ITPK1: variants seen among roughly 807,000 people sequenced by gnomAD.
ITPK1 encodes the protein inositol 1,3,4-trisphosphate 5/6-kinase.
ITPK1 carries 21 observed loss-of-function variants against 45.3 expected under a neutral mutation model. The observed-to-expected ratio is 0.46, with a 90% CI of 0.33 to 0.67. The LOEUF (loss-of-function observed/expected upper bound fraction) is 0.67, where lower values mean the gene tolerates loss of function less well. Ranked by LOEUF, ITPK1 falls within the 30% of genes least tolerant of loss-of-function variation. The probability of loss-of-function intolerance (pLI) is 0.02; values close to 1 mark genes in which losing one functional copy is unlikely to be tolerated. For synonymous variants in ITPK1, 258 were observed against 253.6 expected (o/e 1.02, Z -0.16); for missense variants, 474 against 573.5 (o/e 0.83, Z 1.77).
At chr14:93,110,590 G>C (rs529519718) in intron 2 of ITPK1, among the ~76,000 whole-genome samples, 1 of 152,224 alleles carries the variant, frequency 6.6e-6, no homozygotes, top group Non-Finnish European at 1.5e-5. Flanking sequence ...CCAGTTTACT[G>C]TTGACACCAA....
At chr14:92,976,414 G>C (rs568893224) in intron 5 of ITPK1, among the ~76,000 whole-genome samples, 1 of 152,338 alleles carries the variant, frequency 6.6e-6, no homozygotes, top group African/African-American at 2.4e-5. Context: ...CAAGTCAGTA[G>C]TCTGGCTACT....
At chr14:93,018,412 G>A (rs1171148869) in intron 3 of ITPK1, among the ~76,000 whole-genome samples, 1 of 152,102 alleles carries the variant, frequency 6.6e-6, no homozygotes, top group Non-Finnish European at 1.5e-5. Context: ...CCCTGTGATG[G>A]TCCCTTACTA....
At chr14:93,089,939 A>T (rs1172988823) in intron 2 of ITPK1, among the ~76,000 whole-genome samples, 3 of 152,198 alleles carry the variant, frequency 2.0e-5, no homozygotes, top group Non-Finnish European at 4.4e-5. Context: ...AAGGATGCAG[A>T]ATTCCAGAAG....
At chr14:92,974,458 AG>A (rs1326870232) in intron 5 of ITPK1, among the ~76,000 whole-genome samples, 1 of 152,190 alleles carries the variant, frequency 6.6e-6, no homozygotes, top group Admixed American at 6.5e-5. Context: ...CCTGGCTCCT[AG>A]GAGCAGTGGA....
At chr14:92,979,878 T>G (rs1886136197) in intron 5 of ITPK1, among the ~76,000 whole-genome samples, 1 of 151,848 alleles carries the variant, frequency 6.6e-6, no homozygotes, top group Admixed American at 6.6e-5. Flanking sequence ...CAGTGTGTGA[T>G]CTCAGCTCAC....
At chr14:92,953,028 A>G (rs1395388692) in intron 8 of ITPK1, among the ~76,000 whole-genome samples, 2 of 152,074 alleles carry the variant, frequency 1.3e-5, no homozygotes, top group African/African-American at 4.8e-5. Context: ...TGTGGCTCCC[A>G]CCCCCAGGAT....
Position 92,996,168 on chromosome 14 carries a change from G to C in ITPK1, c.247-2171C>G, listed in dbSNP as rs147500737. On this transcript the variant is annotated intron_variant, in intron 4 of 10. Coordinates refer to ENST00000267615, the MANE Select transcript of ITPK1 (RefSeq NM_014216.6). ...AGGCTGAGGTGGGAGGATCACTCAG[G>C]CCCAGGAGATTGAGGCTGCAGCAAT... Among the ~76,000 whole-genome samples, 73 of 152,314 alleles carry C rather than the reference G, an allele frequency of 4.8e-4. 1 individual carries two copies. The East Asian group carries it at 8.3e-3, about 17-fold the overall frequency.
intron 2 of ITPK1, among the ~76,000 whole-genome samples, chr14:93,099,853 A>T (rs1436547232): frequency 6.6e-6 from 1 of 151,552 alleles, no homozygotes; most frequent in Non-Finnish European, 1.5e-5. Flanking sequence ...GGTACTCTCC[A>T]CTCCCTTCTT....
chr14:93,098,098 C>A (rs1405063881), intron 2 of ITPK1, among the ~76,000 whole-genome samples: 4 of 152,068 alleles, frequency 2.6e-5, no homozygotes, highest in African/African-American at 4.8e-5. Flanking sequence ...GCAGGCAGAT[C>A]ACTTGAGGTC....
At chr14:92,965,176 A>G (rs1295685744) in intron 5 of ITPK1, among the ~76,000 whole-genome samples, 2 of 152,182 alleles carry the variant, frequency 1.3e-5, no homozygotes, top group African/African-American at 2.4e-5. Flanking sequence ...ACAGCATGCT[A>G]CTCTGCTCTG....
chr14:93,040,612 C>T (rs1243250682), intron 3 of ITPK1, among the ~76,000 whole-genome samples: 1 of 152,220 alleles, frequency 6.6e-6, no homozygotes, highest in Non-Finnish European at 1.5e-5. Context: ...TGCACGCAGT[C>T]CCTCCTCTTC....
chr14:92,944,596 T>G (rs891515062), intron 10 of ITPK1, among the ~76,000 whole-genome samples: 1 of 152,124 alleles, frequency 6.6e-6, no homozygotes, highest in African/African-American at 2.4e-5. Flanking sequence ...CTTCCAGAAC[T>G]TCTCTTCTAA....
At chr14:93,097,936 G>T (rs1206390857) in intron 2 of ITPK1, among the ~76,000 whole-genome samples, 9 of 152,122 alleles carry the variant, frequency 5.9e-5, no homozygotes, top group Non-Finnish European at 1.3e-4. Context: ...TTGAACCTGG[G>T]AGGCAGAGGT....
intron 3 of ITPK1, among the ~76,000 whole-genome samples, chr14:93,030,922 G>C (rs894543815): frequency 6.6e-6 from 1 of 152,200 alleles, no homozygotes; most frequent in African/African-American, 2.4e-5. Flanking sequence ...GTGAGGAGAT[G>C]AAGGCAGAGA....
chr14:93,002,812 G>A (rs992277190), intron 4 of ITPK1, among the ~76,000 whole-genome samples: 7 of 152,158 alleles, frequency 4.6e-5, no homozygotes, highest in African/African-American at 1.2e-4. Flanking sequence ...GGCCAAGGTC[G>A]CAAGGGAGAG....
chr14:93,009,892 G>A (rs376668157), intron 4 of ITPK1, among the ~76,000 whole-genome samples: 95 of 152,194 alleles, frequency 6.2e-4, no homozygotes, highest in African/African-American at 1.9e-3. Flanking sequence ...AAGCCCCTCC[G>A]AGCTATGATC....
At chr14:93,074,636 C>T (rs1891144864) in intron 3 of ITPK1, among the ~76,000 whole-genome samples, 1 of 152,216 alleles carries the variant, frequency 6.6e-6, no homozygotes, top group Non-Finnish European at 1.5e-5. Context: ...CTGGGCGGAA[C>T]CACAGGGCAA....
At chr14:92,942,757 G>T (rs1887496429) in intron 10 of ITPK1, among the ~76,000 whole-genome samples, 1 of 152,238 alleles carries the variant, frequency 6.6e-6, no homozygotes, top group South Asian at 2.1e-4. Flanking sequence ...GAGCCACCAA[G>T]CAGGTTTCGG....
chr14:93,057,120 A>T (rs992251723), intron 3 of ITPK1, among the ~76,000 whole-genome samples: 1 of 152,144 alleles, frequency 6.6e-6, no homozygotes, highest in East Asian at 1.9e-4. Context: ...TGCTGTCAGG[A>T]TTATGAGCCT....
Sources: gnomAD v4.1 joint callset for allele counts (sites outside exome capture counted in the v4.1 genomes callset) on GRCh38, gnomAD v4.1.1 for gene constraint, MANE v1.5 for transcripts, NCBI Gene and HGNC (gene_info 2026-07-23, HGNC 2026-07-21) for gene names.